Variants in GRID1 observed in about 807,000 individuals in gnomAD.
GRID1 encodes glutamate receptor ionotropic, delta-1.
Under a neutral mutation model 98.0 loss-of-function variants are expected in GRID1, and 28 were observed. The ratio of observed to expected loss-of-function variants is 0.29; its 90% CI spans 0.21 to 0.39. The LOEUF (loss-of-function observed/expected upper bound fraction) is 0.39. GRID1 is among the 10% of genes least tolerant of loss of function. The pLI is 1.00. For synonymous variants in GRID1, 553 were observed against 538.5 expected, an observed-to-expected ratio of 1.03 and a Z score of -0.37; for missense variants, 1,111 against 1,340.5, an observed-to-expected ratio of 0.83 and a Z score of 2.67.
At chr10:85,733,912 T>C (rs1277278868) in intron 8 of GRID1, among the ~76,000 whole-genome samples, 1 of 152,194 alleles carries the variant, frequency 6.6e-6, no homozygotes, top group Non-Finnish European at 1.5e-5. Flanking sequence ...TATTACCTTC[T>C]TTATCCTCTT....
At chr10:86,049,037 A>C (rs1380076060) in intron 4 of GRID1, among the ~76,000 whole-genome samples, 3 of 152,236 alleles carry the variant, frequency 2.0e-5, no homozygotes, top group Non-Finnish European at 1.5e-5. Flanking sequence ...TCATTCCATG[A>C]GGCTGGAGCT....
At chr10:85,623,332 T>C (rs1842877616) in intron 13 of GRID1, among the ~76,000 whole-genome samples, 1 of 152,160 alleles carries the variant, frequency 6.6e-6, no homozygotes, top group Non-Finnish European at 1.5e-5. Flanking sequence ...AGTTAAAATA[T>C]CCCACCCATC....
chr10:86,042,404 G>C (rs141544945), intron 4 of GRID1, among the ~76,000 whole-genome samples: 90 of 152,304 alleles, frequency 5.9e-4, no homozygotes, highest in Middle Eastern at 3.4e-3. Context: ...GTGGGCCACA[G>C]TACCTGGAGG....
chr10:85,944,356 A>AT (rs1564632397), intron 4 of GRID1, among the ~76,000 whole-genome samples: 1 of 152,246 alleles, frequency 6.6e-6, no homozygotes, highest in Non-Finnish European at 1.5e-5. Flanking sequence ...TAAGCATGGT[A>AT]TTATTTTTAA....
chr10:85,889,767 A>G (rs1176790139), intron 5 of GRID1, among the ~76,000 whole-genome samples: 1 of 152,208 alleles, frequency 6.6e-6, no homozygotes, highest in Non-Finnish European at 1.5e-5. Context: ...ACTGTTTTCC[A>G]TAATGATTGT....
intron 4 of GRID1, among the ~76,000 whole-genome samples, chr10:86,023,771 A>G (rs531073449): frequency 2.6e-5 from 4 of 152,066 alleles, no homozygotes; most frequent in Admixed American, 6.6e-5. Context: ...ACTCCGCCTT[A>G]TATCTCATTG....
intron 13 of GRID1, among the ~76,000 whole-genome samples, chr10:85,641,082 C>A (rs1394620532): frequency 6.6e-6 from 1 of 152,168 alleles, no homozygotes; most frequent in Non-Finnish European, 1.5e-5. Flanking sequence ...TTCTACTTGA[C>A]AGTGTTATTA....
At chr10:86,182,448 A>G (rs998327277) in intron 3 of GRID1, among the ~76,000 whole-genome samples, 4 of 152,232 alleles carry the variant, frequency 2.6e-5, no homozygotes, top group Non-Finnish European at 4.4e-5. Context: ...TGTCTCGGGC[A>G]TGCTAATTAC....
At chr10:85,632,357 T>C (rs1437279623) in intron 13 of GRID1, among the ~76,000 whole-genome samples, 3 of 152,134 alleles carry the variant, frequency 2.0e-5, no homozygotes, top group African/African-American at 7.2e-5. Flanking sequence ...CACCATTTGT[T>C]CAAGCAAATG....
intron 7 of GRID1, 55 bp downstream of exon 7, chr10:85,855,974 A>T: frequency 6.6e-7 from 1 of 1,515,668 alleles, no homozygotes; most frequent in South Asian, 1.1e-5. Flanking sequence ...AACACAGTGG[A>T]GGTATAAGAA....
intron 4 of GRID1, among the ~76,000 whole-genome samples, chr10:85,967,102 G>T (rs191014001): frequency 1.3e-5 from 2 of 152,272 alleles, no homozygotes; most frequent in Admixed American, 6.5e-5. Flanking sequence ...CTGCTGCCAC[G>T]TAAGATATAT....
At chr10:86,196,497 G>T (rs1373773603) in intron 3 of GRID1, among the ~76,000 whole-genome samples, 1 of 152,082 alleles carries the variant, frequency 6.6e-6, no homozygotes, top group African/African-American at 2.4e-5. Flanking sequence ...GGAAAACAAA[G>T]GATCAGAAAG....
At chr10:85,692,160 T>C (rs1590192031) in intron 12 of GRID1, among the ~76,000 whole-genome samples, 1 of 152,156 alleles carries the variant, frequency 6.6e-6, no homozygotes, top group Non-Finnish European at 1.5e-5. Context: ...CTCTAGGAGA[T>C]CTGAGTCTCT....
intron 2 of GRID1, among the ~76,000 whole-genome samples, chr10:86,342,728 C>G (rs900536673): frequency 6.6e-6 from 1 of 152,194 alleles, no homozygotes; most frequent in African/African-American, 2.4e-5. Flanking sequence ...AGCGAGCTAC[C>G]CCCTCCATGG....
chr10:86,134,199 G>A (rs565994333), intron 4 of GRID1, among the ~76,000 whole-genome samples: 17 of 152,346 alleles, frequency 1.1e-4, no homozygotes, highest in African/African-American at 3.4e-4. Context: ...GTGTGGCCAC[G>A]ACTTTCCATA....
At chr10:85,921,415 C>T (rs1007413271) in intron 4 of GRID1, among the ~76,000 whole-genome samples, 8 of 152,290 alleles carry the variant, frequency 5.3e-5, no homozygotes, top group South Asian at 2.1e-4. Context: ...ACCTCAGGTG[C>T]CTTTTCCCAG....
chr10:86,163,298 C>G (rs1188746136), intron 3 of GRID1, among the ~76,000 whole-genome samples: 1 of 152,140 alleles, frequency 6.6e-6, no homozygotes, highest in Non-Finnish European at 1.5e-5. Context: ...AGGTGAGGCG[C>G]TCCATGGCCC....
rs1208236879 is a variant in GRID1, at chr10:86,144,555, A to G, written c.521-5531T>C. ...CCGGCCGCTCGCCCTCTCCCCCTGC[A>G]TCAGCCTCCATGACTCTGCTCTAAA... On this transcript the variant is annotated intron_variant, in intron 3 of 15. Coordinates refer to ENST00000327946, the MANE Select transcript of GRID1 (RefSeq NM_017551.3). 2.6e-5 allele frequency among the ~76,000 whole-genome samples: 4 copies of G among 152,154 alleles called. No homozygotes were observed. The East Asian group carries it at 7.8e-4, about 30-fold the overall frequency.
At chr10:86,112,810 T>A (rs1031704624) in intron 4 of GRID1, among the ~76,000 whole-genome samples, 6 of 152,136 alleles carry the variant, frequency 3.9e-5, no homozygotes, top group Non-Finnish European at 7.3e-5. Flanking sequence ...GATGAGATGG[T>A]GTCATGCAGC....
Sources: allele counts gnomAD v4.1 joint callset (sites outside exome capture counted in the v4.1 genomes callset), GRCh38; gene constraint gnomAD v4.1.1; transcripts MANE v1.5; gene names NCBI Gene and HGNC (gene_info 2026-07-23, HGNC 2026-07-21).